Variants in PATJ observed in about 807,000 individuals in gnomAD.
The protein encoded by PATJ is PATJ crumbs cell polarity complex component.
PATJ carries 190 observed loss-of-function variants against 224.9 expected under a neutral mutation model. The ratio of observed to expected loss-of-function variants is 0.84; its 90% CI spans 0.75 to 0.95. PATJ has a LOEUF of 0.95. PATJ is among the 40% of genes least tolerant of loss of function. The pLI is 0.00. For missense variants in PATJ, 2,121 were observed against 2,270.3 expected (o/e 0.93, Z 1.34); for synonymous variants, 769 against 820.3 (o/e 0.94, Z 1.07).
chr1:61,767,513 T>C (rs1457039026), intron 4 of PATJ, among the ~76,000 whole-genome samples: 1 of 152,192 alleles, frequency 6.6e-6, no homozygotes, highest in Admixed American at 6.6e-5. Flanking sequence ...TACTTCAGCC[T>C]GGGTGACAGA....
At chr1:62,102,571 C>T (rs1293461481) in intron 33 of PATJ, among the ~76,000 whole-genome samples, 3 of 151,778 alleles carry the variant, frequency 2.0e-5, no homozygotes, top group Non-Finnish European at 4.4e-5. Flanking sequence ...ACAAATGGGC[C>T]AGGCGTGGTG....
intron 22 of PATJ, among the ~76,000 whole-genome samples, chr1:61,894,066 C>A (rs1043848343): frequency 1.3e-5 from 2 of 151,496 alleles, no homozygotes; most frequent in Non-Finnish European, 1.5e-5. Flanking sequence ...ACCAGCCTGG[C>A]CAACATGGAG....
intron 41 of PATJ, among the ~76,000 whole-genome samples, chr1:62,144,777 A>AAAATATATATATATATAT (rs377489788): frequency 1.7e-5 from 2 of 119,102 alleles, no homozygotes; most frequent in East Asian, 3.5e-4. Context: ...AAAAAAAAAA[A>AAAATATATATATATATAT]ATATATATAT....
intron 28 of PATJ, among the ~76,000 whole-genome samples, chr1:62,011,839 C>T (rs1475999197): frequency 1.3e-5 from 2 of 151,946 alleles, no homozygotes; most frequent in South Asian, 2.1e-4. Flanking sequence ...TTGTATGGGA[C>T]TCCATATTGC....
chr1:61,922,676 C>T (rs1017550634), intron 26 of PATJ, among the ~76,000 whole-genome samples: 3 of 152,142 alleles, frequency 2.0e-5, no homozygotes, highest in Non-Finnish European at 4.4e-5. Flanking sequence ...ACTGTTTAAA[C>T]TTTAATCTGT....
chr1:62,022,832 C>G (rs1322575533), intron 29 of PATJ, among the ~76,000 whole-genome samples: 1 of 152,182 alleles, frequency 6.6e-6, no homozygotes, highest in African/African-American at 2.4e-5. Context: ...CTCCACCTTC[C>G]TGTATCGATT....
chr1:62,070,192 G>T (rs1479809858), intron 31 of PATJ, among the ~76,000 whole-genome samples: 1 of 152,156 alleles, frequency 6.6e-6, no homozygotes, highest in Non-Finnish European at 1.5e-5. Flanking sequence ...TCCTCCTAAG[G>T]CCATTTGATA....
intron 7 of PATJ, among the ~76,000 whole-genome samples, chr1:61,776,882 T>C (rs560480403): frequency 1.0e-3 from 155 of 152,154 alleles, no homozygotes; most frequent in Non-Finnish European, 2.0e-3. Flanking sequence ...CCTGCCACAA[T>C]GCCCAGCTAA....
At chr1:61,759,578 T>C (rs1208263075) in intron 1 of PATJ, among the ~76,000 whole-genome samples, 2 of 152,102 alleles carry the variant, frequency 1.3e-5, no homozygotes, top group African/African-American at 4.8e-5. Context: ...CCCAGCAAAT[T>C]TTTGTGTTTT....
intron 17 of PATJ, among the ~76,000 whole-genome samples, chr1:61,839,862 TATCTCTCTCAAA>T (rs1300181956): frequency 1.3e-5 from 2 of 152,042 alleles, no homozygotes; most frequent in Admixed American, 1.3e-4. Context: ...ACACTATTTT[TATCTCTCTCAAA>T]GTCTGAGAGA....
chr1:62,135,274 T>C (rs1666704859), intron 41 of PATJ, among the ~76,000 whole-genome samples: 1 of 152,040 alleles, frequency 6.6e-6, no homozygotes, highest in African/African-American at 2.4e-5. Flanking sequence ...CCCAGCACTT[T>C]GGGAGGCCGA....
chr1:61,864,944 TA>T (rs954559144), intron 20 of PATJ, among the ~76,000 whole-genome samples: 58 of 148,876 alleles, frequency 3.9e-4, no homozygotes, highest in African/African-American at 9.3e-4. Flanking sequence ...ATTTGTGATT[TA>T]AAAAAAAAAA....
At chr1:62,010,373 G>T (rs1646369936) in intron 28 of PATJ, among the ~76,000 whole-genome samples, 1 of 151,766 alleles carries the variant, frequency 6.6e-6, no homozygotes. Flanking sequence ...GTACAGCTCA[G>T]TGGTAATAAA....
chr1:61,768,207 C>A (rs568262271), intron 4 of PATJ, among the ~76,000 whole-genome samples: 1 of 152,020 alleles, frequency 6.6e-6, no homozygotes, highest in Non-Finnish European at 1.5e-5. Flanking sequence ...TGGTGACTCA[C>A]GCCTGTAATC....
At position 62,163,068 on chromosome 1, in the gene PATJ, C is replaced by G. The variant is rs1382923582; in HGVS notation, c.*2014C>G. ...AGTAATTATCAAAATTTAATGGGCT[C>G]TAATTTAAAATGTTATTTAATAAGT... is the stretch of plus-strand genomic sequence containing the variant. On this transcript the variant is annotated 3_prime_UTR_variant, in exon 44 of 44. Transcript: ENST00000642238. The G allele has an allele frequency of 5.1e-6, 1 of 196,302 alleles. No homozygotes were observed. The highest frequency in any genetic ancestry group is 2.4e-5 in the African/African-American group (1 of 41,768). The allele number at this position is 196,302 out of a possible 1,614,324, so 12.2% of individuals were successfully genotyped here. A position where few individuals can be genotyped will look rare whatever the true frequency, so the allele number is the denominator to read the frequency against.
chr1:62,000,858 T>C (rs1333913949), intron 28 of PATJ, among the ~76,000 whole-genome samples: 2 of 151,190 alleles, frequency 1.3e-5, no homozygotes, highest in Non-Finnish European at 2.9e-5. Flanking sequence ...TTCCAGCACT[T>C]GTTGTTTCCT....
intron 20 of PATJ, among the ~76,000 whole-genome samples, chr1:61,869,354 C>T (rs1318618150): frequency 2.6e-5 from 4 of 152,066 alleles, no homozygotes; most frequent in Non-Finnish European, 5.9e-5. Context: ...GATCCGCCCG[C>T]CTCGGCCTCC....
chr1:61,848,032 C>T (rs559226404), intron 17 of PATJ, among the ~76,000 whole-genome samples: 1 of 152,160 alleles, frequency 6.6e-6, no homozygotes, highest in South Asian at 2.1e-4. Context: ...TAACTTCTGT[C>T]TTTCGTTACT....
intron 7 of PATJ, among the ~76,000 whole-genome samples, chr1:61,786,717 C>T (rs114335025): frequency 0.045 from 6,814 of 152,072 alleles, 220 homozygotes; most frequent in Non-Finnish European, 0.065. Flanking sequence ...CTTGGCCGGG[C>T]GCAGTGGCTT....
Sources: allele counts gnomAD v4.1 joint callset (sites outside exome capture counted in the v4.1 genomes callset), GRCh38; gene constraint gnomAD v4.1.1; transcripts MANE v1.5; gene names NCBI Gene and HGNC (gene_info 2026-07-23, HGNC 2026-07-21).